SND1: variants seen among roughly 807,000 people sequenced by gnomAD.
The protein encoded by SND1 is staphylococcal nuclease and tudor domain containing 1.
A neutral mutation model predicts 121.7 loss-of-function variants in SND1; 38 were observed. The observed-to-expected ratio is 0.31, with a 90% CI of 0.24 to 0.41. SND1 has a LOEUF of 0.41. Ranked by LOEUF, SND1 falls within the 10% of genes least tolerant of loss-of-function variation. The pLI is 1.00. For synonymous variants in SND1, 401 were observed against 447.4 expected (o/e 0.90, Z 1.31); for missense variants, 868 against 1,184.6 (o/e 0.73, Z 3.92).
intron 13 of SND1, among the ~76,000 whole-genome samples, chr7:127,888,324 G>A (rs765088303): frequency 3.3e-5 from 5 of 151,986 alleles, no homozygotes; most frequent in African/African-American, 7.2e-5. Context: ...TCATCATTCC[G>A]GGACTAACTG....
chr7:127,759,120 G>A (rs1797253191), intron 10 of SND1, among the ~76,000 whole-genome samples: 1 of 142,350 alleles, frequency 7.0e-6, no homozygotes, highest in Non-Finnish European at 1.6e-5. Context: ...GCAGATAGGT[G>A]GTAGCAGATA....
At chr7:128,034,199 G>A (rs1188788114) in intron 16 of SND1, among the ~76,000 whole-genome samples, 3 of 152,176 alleles carry the variant, frequency 2.0e-5, no homozygotes, top group Non-Finnish European at 4.4e-5. Context: ...AGTGGAGGGG[G>A]GAGGAGAGAG....
Position 128,029,467 on chromosome 7 carries a change from G to C in SND1, c.1779+38411G>C. 1 of 1,614,186 alleles carries C rather than the reference G, an allele frequency of 6.2e-7. No individual in the cohort carries two copies. Among genetic ancestry groups the C allele is most frequent in the Non-Finnish European group, 8.5e-7 (1 of 1,180,030 alleles). On this transcript the variant is annotated intron_variant, in intron 16 of 23. Transcript: ENST00000354725. This position sits in a 1 kb window ranked among gnomAD's most constrained non-coding sequence, Gnocchi z 4.2. ...CTTGGGTGGCGGGAGGCGTGGCTGA[G>C]CACTGTCCCATTGGGCAGCAACCAC...
chr7:128,053,419 C>T (rs1265216822), intron 16 of SND1, among the ~76,000 whole-genome samples: 1 of 152,120 alleles, frequency 6.6e-6, no homozygotes, highest in Non-Finnish European at 1.5e-5. Flanking sequence ...TAATTCTCTC[C>T]CCTTAGCCTG....
intron 16 of SND1, among the ~76,000 whole-genome samples, chr7:128,050,372 T>G (rs1793025315): frequency 6.6e-6 from 1 of 152,242 alleles, no homozygotes; most frequent in Non-Finnish European, 1.5e-5. Flanking sequence ...ATTGTTCTTC[T>G]CCTTACCTCT....
At chr7:127,842,963 T>C (rs1054982259) in intron 11 of SND1, among the ~76,000 whole-genome samples, 1 of 152,206 alleles carries the variant, frequency 6.6e-6, no homozygotes, top group Admixed American at 6.6e-5. Flanking sequence ...AGCACTGCTT[T>C]ATCATAATGT....
At chr7:127,709,468 A>C (rs2116359724) in intron 9 of SND1, among the ~76,000 whole-genome samples, 1 of 152,296 alleles carries the variant, frequency 6.6e-6, no homozygotes, top group South Asian at 2.1e-4. Context: ...AAAAACCTAG[A>C]ATATTTTGAA....
intron 10 of SND1, among the ~76,000 whole-genome samples, chr7:127,800,796 TTC>T (rs1425857210): frequency 6.6e-6 from 1 of 152,240 alleles, no homozygotes; most frequent in Non-Finnish European, 1.5e-5. Flanking sequence ...TTTTGAGGTT[TTC>T]TCTTTCTCTC....
intron 11 of SND1, among the ~76,000 whole-genome samples, chr7:127,830,717 T>C (rs1584604238): frequency 6.6e-6 from 1 of 152,188 alleles, no homozygotes; most frequent in East Asian, 1.9e-4. Flanking sequence ...ATATGAGGGG[T>C]TTGGTTAACC....
intron 17 of SND1, 39 bp downstream of exon 17, chr7:128,074,729 C>T (rs1016076120): frequency 3.5e-5 from 54 of 1,551,264 alleles, no homozygotes; most frequent in East Asian, 2.1e-4. Flanking sequence ...CCTGCCCTCC[C>T]GTCCTCCTCA....
At chr7:128,019,985 C>T (rs1233717082) in intron 16 of SND1, among the ~76,000 whole-genome samples, 1 of 152,176 alleles carries the variant, frequency 6.6e-6, no homozygotes, top group Non-Finnish European at 1.5e-5. Context: ...GTCTGCATGA[C>T]CTTGAACAGA....
chr7:127,701,253 C>G lies in SND1; in HGVS notation c.519C>G (p.Ile173Met). ...MWSEGNGSHT[I>M]RDLKYTIENP... ...GTGAGGGGAACGGTTCACATACTAT[C>G]CGGGATCTCAAGTATACCATTGAAA... Residue 173 changes from isoleucine (I) to methionine (M), a missense_variant, in exon 5 of 24, where the codon ATC (isoleucine) becomes ATG (methionine). Ile to Met is a conservative substitution (Grantham distance 10). This residue lies in a region of SND1 where 743 missense variants were observed against 1,071.3 expected (regional missense o/e 0.69). Transcript: ENST00000354725. 3 of 1,614,020 alleles carry G rather than the reference C, an allele frequency of 1.9e-6. No homozygotes were observed. The highest frequency in any genetic ancestry group is 2.5e-6 in the Non-Finnish European group (3 of 1,179,954).
At chr7:127,759,099 T>TAGATAGATAGATAGATAGATAGGC (rs1268977068) in intron 10 of SND1, among the ~76,000 whole-genome samples, 36 of 152,016 alleles carry the variant, frequency 2.4e-4, no homozygotes, top group Admixed American at 9.8e-4. Context: ...GATAGATAGA[T>TAGATAGATAGATAGATAGATAGGC]AGGCAGGCAG....
intron 1 of SND1, among the ~76,000 whole-genome samples, chr7:127,678,488 T>G (rs559172714): frequency 6.6e-6 from 1 of 152,310 alleles, no homozygotes; most frequent in African/African-American, 2.4e-5. Flanking sequence ...CATGAGCTCC[T>G]GGGCTTCCGG....
At chr7:128,006,644 G>T (rs1376515323) in intron 16 of SND1, among the ~76,000 whole-genome samples, 1 of 152,212 alleles carries the variant, frequency 6.6e-6, no homozygotes. Flanking sequence ...TTCTTACACA[G>T]AAGCAACTGT....
intron 15 of SND1, among the ~76,000 whole-genome samples, chr7:127,932,798 G>A (rs1051073814): frequency 1.3e-5 from 2 of 152,144 alleles, no homozygotes; most frequent in South Asian, 2.1e-4. Context: ...ATGATCATTA[G>A]CATTTTTTAA....
intron 16 of SND1, among the ~76,000 whole-genome samples, chr7:128,017,617 T>C (rs537315274): frequency 1.1e-3 from 161 of 152,352 alleles, no homozygotes; most frequent in African/African-American, 3.6e-3. Flanking sequence ...GTGCCACACC[T>C]GATCCCATCT....
chr7:127,924,538 C>T (rs896951371), intron 14 of SND1, among the ~76,000 whole-genome samples: 13 of 152,182 alleles, frequency 8.5e-5, no homozygotes, highest in African/African-American at 3.1e-4. Context: ...ACTTTGCATA[C>T]ATCTAGTGCA....
intron 16 of SND1, among the ~76,000 whole-genome samples, chr7:128,020,786 C>G (rs918013240): frequency 6.6e-6 from 1 of 152,168 alleles, no homozygotes; most frequent in African/African-American, 2.4e-5. Flanking sequence ...AAACAGCAAG[C>G]GCACAGAATG....
Sources: gnomAD v4.1 joint callset for allele counts (sites outside exome capture counted in the v4.1 genomes callset) on GRCh38, gnomAD v4.1.1 for gene constraint, gnomAD v4.1.1 regional missense constraint, Gnocchi (gnomAD v3.1) non-coding constraint, MANE v1.5 for transcripts, NCBI Gene and HGNC (gene_info 2026-07-23, HGNC 2026-07-21) for gene names.